The following TEAD1 variants were observed in gnomAD, a reference collection of about 807,000 sequenced individuals.
TEAD1 encodes the protein transcriptional enhancer factor TEF-1.
Under a neutral mutation model 54.9 loss-of-function variants are expected in TEAD1, and 9 were observed. The observed-to-expected ratio is 0.16, with a 90% CI of 0.10 to 0.29. The LOEUF (loss-of-function observed/expected upper bound fraction) is 0.29, where lower values mean the gene tolerates loss of function less well. TEAD1 is among the 10% of genes least tolerant of loss of function. The probability of loss-of-function intolerance (pLI) is 1.00; values close to 1 mark genes in which losing one functional copy is unlikely to be tolerated. For synonymous variants in TEAD1, 200 were observed against 187.8 expected (o/e 1.07, Z -0.53); for missense variants, 387 against 535.9 (o/e 0.72, Z 2.74).
chr11:12,927,995 T>C (rs562576274), intron 11 of TEAD1, among the ~76,000 whole-genome samples: 2 of 152,298 alleles, frequency 1.3e-5, no homozygotes, highest in Admixed American at 1.3e-4. Context: ...TTAATGGTCT[T>C]TATTACTAAT....
intron 10 of TEAD1, among the ~76,000 whole-genome samples, chr11:12,923,240 C>T (rs73409285): frequency 0.015 from 2,323 of 152,058 alleles, 49 homozygotes; most frequent in African/African-American, 0.053. Context: ...GCTCTCCTGC[C>T]ATCCTCTCTC....
rs10700151 is a variant in TEAD1 at position 12,821,961 on chromosome 11, C to CTTTTTTT, written c.203-40275_203-40269dup. Among the ~76,000 whole-genome samples the CTTTTTTT allele has an allele frequency of 3.3e-3, 225 of 68,056 alleles. 41 individuals carry two copies. The highest frequency in any genetic ancestry group is 0.031 in the East Asian group (63 of 2,036). 44.6% of individuals were successfully genotyped at this position (68,056 alleles called of 152,430 possible). Reference sequence around the variant, plus strand: ...TACTCTCTCTCCTTTTTCTCTTTTCCTTTTTTTTTTTTTTTTTTTTGAGAC... The same window carrying CTTTTTTT: ...TACTCTCTCTCCTTTTTCTCTTTTCCTTTTTTTTTTTTTTTTTTTTTTTTTTTGAGAC... On this transcript the variant is annotated intron_variant, in intron 3 of 12. Transcript: ENST00000527636.
chr11:12,853,296 C>G (rs1421229235), intron 3 of TEAD1, among the ~76,000 whole-genome samples: 1 of 151,852 alleles, frequency 6.6e-6, no homozygotes, highest in Non-Finnish European at 1.5e-5. Flanking sequence ...TGGTGGTGGT[C>G]GTGGTGGTGG....
chr11:12,796,399 G>A (rs1945924108), intron 3 of TEAD1, among the ~76,000 whole-genome samples: 1 of 152,196 alleles, frequency 6.6e-6, no homozygotes, highest in African/African-American at 2.4e-5. Flanking sequence ...ACAAGGAAGA[G>A]TTGCAGAAGA....
chr11:12,883,969 T>A (rs1948031060), intron 9 of TEAD1, among the ~76,000 whole-genome samples: 1 of 145,218 alleles, frequency 6.9e-6, no homozygotes, highest in Non-Finnish European at 1.5e-5. Flanking sequence ...CACTCCAGCC[T>A]GGCGACAGAG....
At chr11:12,851,754 A>G (rs1261693483) in intron 3 of TEAD1, among the ~76,000 whole-genome samples, 1 of 151,976 alleles carries the variant, frequency 6.6e-6, no homozygotes, top group Admixed American at 6.6e-5. Context: ...AGATCATTCC[A>G]CTGCACTCCA....
intron 3 of TEAD1, among the ~76,000 whole-genome samples, chr11:12,806,089 A>G (rs1355986442): frequency 6.6e-6 from 1 of 152,180 alleles, no homozygotes; most frequent in Non-Finnish European, 1.5e-5. Context: ...CATGTACTCT[A>G]TGTTGAAATA....
intron 2 of TEAD1, among the ~76,000 whole-genome samples, chr11:12,707,298 G>C (rs145129538): frequency 6.6e-6 from 1 of 152,116 alleles, no homozygotes; most frequent in African/African-American, 2.4e-5. Flanking sequence ...CATGCTGTTT[G>C]CTTTGGCATT....
chr11:12,748,598 T>C (rs147346797), intron 2 of TEAD1, among the ~76,000 whole-genome samples: 38 of 152,290 alleles, frequency 2.5e-4, no homozygotes, highest in African/African-American at 8.7e-4. Context: ...TGCGGGATAG[T>C]GTAGGAGACA....
chr11:12,750,543 C>T (rs939619572), intron 2 of TEAD1, among the ~76,000 whole-genome samples: 9 of 151,682 alleles, frequency 5.9e-5, no homozygotes, highest in Non-Finnish European at 1.3e-4. Context: ...CTTTATCTTC[C>T]CAAGTAGACA....
chr11:12,807,000 A>G (rs867157407), intron 3 of TEAD1, among the ~76,000 whole-genome samples: 5 of 152,206 alleles, frequency 3.3e-5, no homozygotes, highest in South Asian at 2.1e-4. Context: ...ATCAAATGTG[A>G]TCCAATTTTC....
chr11:12,740,687 C>T (rs1224212583), intron 2 of TEAD1, among the ~76,000 whole-genome samples: 2 of 152,132 alleles, frequency 1.3e-5, no homozygotes, highest in South Asian at 2.1e-4. Flanking sequence ...TGTGAGAACT[C>T]ATTCACTATC....
chr11:12,690,315 G>A (rs1943430542), intron 2 of TEAD1, among the ~76,000 whole-genome samples: 1 of 151,160 alleles, frequency 6.6e-6, no homozygotes, highest in African/African-American at 2.4e-5. Context: ...TTCCTTGATT[G>A]TCTCATAAAT....
At chr11:12,906,541 C>CA (rs57220080) in intron 10 of TEAD1, among the ~76,000 whole-genome samples, 14 of 143,130 alleles carry the variant, frequency 9.8e-5, no homozygotes, top group African/African-American at 3.4e-4. Flanking sequence ...GACTCCTTCT[C>CA]AAAAAAAAAA....
chr11:12,749,046 A>G (rs936094338), intron 2 of TEAD1, among the ~76,000 whole-genome samples: 5 of 152,150 alleles, frequency 3.3e-5, no homozygotes, highest in African/African-American at 7.2e-5. Flanking sequence ...TTGGATTTTC[A>G]TGGGGACTTT....
At chr11:12,720,034 A>AGCC (rs1944160317) in intron 2 of TEAD1, among the ~76,000 whole-genome samples, 1 of 116,380 alleles carries the variant, frequency 8.6e-6, no homozygotes, top group Admixed American at 1.3e-4. Flanking sequence ...TAGATCTCAT[A>AGCC]GCCAGTAATC....
At chr11:12,739,218 A>ATCTG (rs775017610) in intron 2 of TEAD1, among the ~76,000 whole-genome samples, 1 of 141,904 alleles carries the variant, frequency 7.0e-6, no homozygotes, top group Non-Finnish European at 1.5e-5. Flanking sequence ...CTATCTATCT[A>ATCTG]TCTGTCTATC....
At position 12,938,215 on chromosome 11, in the gene TEAD1, A is replaced by G. The variant is rs1949127774; in HGVS notation, c.*993A>G. 1 of 152,634 alleles carries G rather than the reference A, an allele frequency of 6.6e-6. No homozygotes were observed. Among genetic ancestry groups the G allele is most frequent in the African/African-American group, 2.4e-5 (1 of 41,454 alleles). 9.5% of individuals were successfully genotyped at this position (152,634 alleles called of 1,614,324 possible). A position where few individuals can be genotyped will look rare whatever the true frequency, so the allele number is the denominator to read the frequency against. ...ACAAAATTTTAAAATTGGCATGAAT[A>G]CGGAATACTGCACTGTGAGATGCAA... is the stretch of plus-strand genomic sequence containing the variant. On this transcript the variant is annotated 3_prime_UTR_variant, in exon 13 of 13. Transcript: ENST00000527636.
intron 2 of TEAD1, among the ~76,000 whole-genome samples, chr11:12,755,493 T>G (rs1246152128): frequency 6.6e-6 from 1 of 152,188 alleles, no homozygotes; most frequent in Non-Finnish European, 1.5e-5. Flanking sequence ...GTATGTTGAC[T>G]CCACAGGCTA....
Sources: allele counts gnomAD v4.1 joint callset (sites outside exome capture counted in the v4.1 genomes callset), GRCh38; gene constraint gnomAD v4.1.1; transcripts MANE v1.5; gene names NCBI Gene and HGNC (gene_info 2026-07-23, HGNC 2026-07-21).